The following RGL3 variants were observed in gnomAD, a reference collection of about 807,000 sequenced individuals.
RGL3 encodes ral guanine nucleotide dissociation stimulator-like 3.
In RGL3, 85 loss-of-function variants were observed where a neutral mutation model predicts 90.6. That is an observed-to-expected ratio of 0.94 (90% CI 0.79 to 1.12). The LOEUF (loss-of-function observed/expected upper bound fraction) is 1.12, where lower values mean the gene tolerates loss of function less well. Ranked by LOEUF, RGL3 falls within the 50% of genes most tolerant of loss-of-function variation. The pLI, the probability that RGL3 is intolerant of heterozygous loss-of-function variation, is 0.00. For missense variants in RGL3, 1,034 were observed against 939.2 expected, an observed-to-expected ratio of 1.10 and a Z score of -1.32; for synonymous variants, 408 against 385.5, an observed-to-expected ratio of 1.06 and a Z score of -0.68.
chr19:11,406,752 C>T lies in RGL3; in HGVS notation c.750G>A (p.Glu250=), dbSNP rs1269627520. 2 of 1,613,958 alleles carry T rather than the reference C, an allele frequency of 1.2e-6. No individual in the cohort carries two copies. The highest frequency in any genetic ancestry group is 1.7e-5 in the Admixed American group (1 of 59,990). The change falls in exon 6 of 19, where the codon GAG becomes GAA. Residue 250 remains glutamate (E), a synonymous_variant. Transcript: ENST00000380456. ...CTATGAGGGTCAGCTGCTCGGCCAC[C>T]TCGTCCACGCTGAAGTCCAGGAGCT... ...GPQLLDFSVD[E]VAEQLTLIDL...
rs748574292 is a variant in RGL3, at chr19:11,416,064, A to G, written c.510T>C (p.Ser170=). ...RDHPAHSDLG[S]VRTFLGWAAP... ...CCGCCCAGCCCAGAAAGGTTCGGAC[A>G]CTGCCCAGGTCCGAATGGGCAGGGT... The change falls in exon 5 of 19, where the codon AGT becomes AGC. Residue 170 remains serine, a synonymous_variant. Coordinates refer to ENST00000380456, the MANE Select transcript of RGL3 (RefSeq NM_001035223.4). 6.4e-5 allele frequency: 103 copies of G among 1,613,194 alleles called. No homozygotes were observed. Among genetic ancestry groups the G allele is most frequent in the Non-Finnish European group, 8.5e-5 (100 of 1,179,772 alleles).
At chr19:11,414,513 A>ACACCT in intron 5 of RGL3, among the ~76,000 whole-genome samples, 1 of 113,502 alleles carries the variant, frequency 8.8e-6, no homozygotes, top group African/African-American at 3.7e-5. Context: ...ATATATATAT[A>ACACCT]TATATATATA....
Position 11,406,547 on chromosome 19 carries a change from T to TG in RGL3, c.867dup (p.Thr290HisfsTer64). ...AACTGGGCCACGGTGGCGCGCACAG[T>TG]GGGGGAGGCGCCTGCAGCCCCCGGC... On this transcript the variant is annotated frameshift_variant, in exon 7 of 19. Coordinates refer to ENST00000380456, the MANE Select transcript of RGL3 (RefSeq NM_001035223.4). LOFTEE classifies it high-confidence loss of function. The TG allele has an allele frequency of 6.5e-7, 1 of 1,549,982 alleles. No individual in the cohort carries two copies. Among genetic ancestry groups the TG allele is most frequent in the East Asian group, 2.4e-5 (1 of 41,134 alleles).
intron 5 of RGL3, among the ~76,000 whole-genome samples, chr19:11,407,933 G>A (rs1968810751): frequency 6.6e-6 from 1 of 151,936 alleles, no homozygotes; most frequent in Non-Finnish European, 1.5e-5. Flanking sequence ...TGATCTGCCT[G>A]CCTCGACTTC....
intron 13 of RGL3, among the ~76,000 whole-genome samples, chr19:11,400,681 G>A (rs1172679476): frequency 2.6e-5 from 4 of 151,566 alleles, no homozygotes; most frequent in South Asian, 2.1e-4. Flanking sequence ...GTGAAACCCC[G>A]TCTCTACTAA....
Position 11,406,429 on chromosome 19 carries a change from CG to C in RGL3, c.985del (p.Arg329AlafsTer37). 1 of 1,538,190 alleles carries C rather than the reference CG, an allele frequency of 6.5e-7. No individual in the cohort carries two copies. Among genetic ancestry groups the C allele is most frequent in the Non-Finnish European group, 8.7e-7 (1 of 1,146,712 alleles). The part of the protein sequence containing the change: ...QRAQRLEKWI[R>X]IAQRCRELRN... ...GCGCCCGCAACACACCTGGGCGATG[CG>C]GATCCACTTCTCCAGCCGCTGCGCC... On this transcript the variant is annotated frameshift_variant, in exon 7 of 19. Transcript: ENST00000380456. LOFTEE classifies it high-confidence loss of function.
At chr19:11,412,834 C>T (rs1028666338) in intron 5 of RGL3, among the ~76,000 whole-genome samples, 14 of 151,142 alleles carry the variant, frequency 9.3e-5, no homozygotes, top group Admixed American at 2.0e-4. Context: ...GGCCTGGTGG[C>T]GGGCGCCTGT....
intron 18 of RGL3, among the ~76,000 whole-genome samples, chr19:11,395,927 C>A (rs1968557357): frequency 2.1e-5 from 3 of 145,856 alleles, no homozygotes; most frequent in Admixed American, 6.9e-5. Context: ...ATGCCCGGCC[C>A]CCTTTTTTTT....
chr19:11,418,582 C>T, intron 2 of RGL3, 89 bp downstream of exon 2: 1 of 1,050,348 alleles, frequency 9.5e-7, no homozygotes, highest in Non-Finnish European at 1.4e-6. Flanking sequence ...CTTCCGCCCA[C>T]TGCACCTGGC....
At chr19:11,397,210 C>T (rs965253585) in intron 18 of RGL3, 34 bp downstream of exon 18, 2 of 1,588,120 alleles carry the variant, frequency 1.3e-6, no homozygotes, top group South Asian at 1.1e-5. Context: ...TCCCCGCTGC[C>T]CCCTATCCTG....
chr19:11,414,528 T>TATATATATATATATATAC (rs1568342108), intron 5 of RGL3, among the ~76,000 whole-genome samples: 2 of 74,098 alleles, frequency 2.7e-5, no homozygotes, highest in East Asian at 8.6e-4. Flanking sequence ...TATATATATA[T>TATATATATATATATATAC]ACCTTTATAT....
chr19:11,400,139 G>C, intron 14 of RGL3, 31 bp from the exon 15 acceptor site: 1 of 1,590,698 alleles, frequency 6.3e-7, no homozygotes, highest in Non-Finnish European at 8.6e-7. Flanking sequence ...TGAGGCTAAG[G>C]CAGGAGCAGC....
At position 11,406,406 on chromosome 19, in the gene RGL3, G is replaced by T. The variant is rs1461527601; in HGVS notation, c.996+13C>A. On this transcript the variant is annotated intron_variant, in intron 7 of 18. Coordinates refer to ENST00000380456, the MANE Select transcript of RGL3 (RefSeq NM_001035223.4). Reference sequence around the variant, plus strand: ...GCCCGCCCCCGCATCCCCTCTCCGCGCCCGCAACACACCTGGGCGATGCGG... The same window carrying T: ...GCCCGCCCCCGCATCCCCTCTCCGCTCCCGCAACACACCTGGGCGATGCGG... 4.6e-6 allele frequency: 7 copies of T among 1,524,188 alleles called. No homozygotes were observed. In the East Asian group the frequency reaches 7.4e-5, roughly 16 times the overall value. 94.4% of individuals were successfully genotyped at this position (1,524,188 alleles called of 1,614,324 possible).
At position 11,415,002 on chromosome 19, in the gene RGL3, C is replaced by T. The variant is rs142636214; in HGVS notation, c.637+935G>A. On this transcript the variant is annotated intron_variant, in intron 5 of 18. Transcript: ENST00000380456. ...AAAATTAGCCGGGCGTGGTGACATG[C>T]GCCTGTGGTCCCAGCTACTCAGGAG... 3.1e-3 allele frequency among the ~76,000 whole-genome samples: 475 copies of T among 151,832 alleles called. 6 individuals carry two copies. The highest frequency in any genetic ancestry group is 9.5e-3 in the East Asian group (49 of 5,152).
intron 18 of RGL3, among the ~76,000 whole-genome samples, chr19:11,395,287 T>G (rs1056223202): frequency 1.1e-4 from 17 of 152,038 alleles, no homozygotes; most frequent in Non-Finnish European, 4.4e-5. Flanking sequence ...TGCACGAGCT[T>G]GTGGCCTCAC....
chr19:11,418,513 G>A, intron 2 of RGL3, 158 bp downstream of exon 2: 2 of 490,078 alleles, frequency 4.1e-6, no homozygotes, highest in Admixed American at 4.0e-5. Context: ...TTACCTGGCC[G>A]CCCCCAGTCC....
intron 16 of RGL3, among the ~76,000 whole-genome samples, chr19:11,399,207 C>T (rs443385): frequency 0.15 from 23,509 of 151,924 alleles, 2,982 homozygotes; most frequent in African/African-American, 0.35. Flanking sequence ...CCCAAAGTGC[C>T]GGGATCACAG....
intron 5 of RGL3, among the ~76,000 whole-genome samples, chr19:11,412,781 A>G (rs1300610595): frequency 6.6e-6 from 1 of 152,020 alleles, no homozygotes; most frequent in Non-Finnish European, 1.5e-5. Context: ...CTTGGCTAGC[A>G]CGGTGAAACC....
chr19:11,402,367 C>A, intron 11 of RGL3, 88 bp downstream of exon 11: 2 of 1,567,322 alleles, frequency 1.3e-6, no homozygotes, highest in Non-Finnish European at 1.7e-6. Flanking sequence ...GTCAGGAGTA[C>A]AGGTAGGATC....
Sources: allele counts gnomAD v4.1 joint callset (sites outside exome capture counted in the v4.1 genomes callset), GRCh38; gene constraint gnomAD v4.1.1; transcripts MANE v1.5; gene names NCBI Gene and HGNC (gene_info 2026-07-23, HGNC 2026-07-21).